SORL1: variants seen among roughly 807,000 people sequenced by gnomAD.
SORL1 encodes the protein sortilin related receptor 1, also known as sortilin-related receptor.
Under a neutral mutation model 273.7 loss-of-function variants are expected in SORL1, and 127 were observed. That is an observed-to-expected ratio of 0.46 (90% CI 0.40 to 0.54). SORL1 has a LOEUF of 0.54. Ranked by LOEUF, SORL1 falls within the 20% of genes least tolerant of loss-of-function variation. SORL1 has a pLI of 0.00. For synonymous variants in SORL1, 1,031 were observed against 1,067.4 expected (o/e 0.97, Z 0.66); for missense variants, 2,494 against 2,846.1 (o/e 0.88, Z 2.81).
In SORL1 at chr11:121,606,876, A is replaced by G; in HGVS notation, c.4980A>G (p.Ser1660=). 1 of 1,613,840 alleles carries G rather than the reference A, an allele frequency of 6.2e-7. No homozygotes were observed. Among genetic ancestry groups the G allele is most frequent in the South Asian group, 1.1e-5 (1 of 91,060 alleles). The change falls in exon 36 of 48, where the codon TCA becomes TCG. Residue 1660 remains serine, a synonymous_variant. Coordinates refer to ENST00000260197, the MANE Select transcript of SORL1 (RefSeq NM_003105.6). Reference sequence around the variant, plus strand: ...ATGCCCCTCGAAATCTCCAGCTGTCACTCCCCAGGGAAGCAGAAGGTGTGA... The same window carrying G: ...ATGCCCCTCGAAATCTCCAGCTGTCGCTCCCCAGGGAAGCAGAAGGTGTGA... ...LPDAPRNLQL[S]LPREAEGVIV... is the part of the protein sequence containing the mutation.
intron 12 of SORL1, among the ~76,000 whole-genome samples, chr11:121,537,147 C>T (rs1363610545): frequency 1.3e-5 from 2 of 152,102 alleles, no homozygotes; most frequent in Non-Finnish European, 2.9e-5. Flanking sequence ...ATGCAAATTT[C>T]CAGGTGGGAA....
At chr11:121,559,778 C>G in intron 21 of SORL1, 121 bp downstream of exon 21, 1 of 781,852 alleles carries the variant, frequency 1.3e-6, no homozygotes, top group Non-Finnish European at 2.1e-6. Flanking sequence ...CGACAACATG[C>G]ACATTATTTA....
chr11:121,586,875 A>G (rs548174186), intron 27 of SORL1, among the ~76,000 whole-genome samples: 1 of 152,216 alleles, frequency 6.6e-6, no homozygotes, highest in South Asian at 2.1e-4. Flanking sequence ...TTCTGATTTA[A>G]TTAGCGTAGG....
Position 121,586,083 on chromosome 11 carries a change from A to G in SORL1, c.3707-139A>G, listed in dbSNP as rs779758339. On this transcript the variant is annotated intron_variant, in intron 26 of 47. Transcript: ENST00000260197. ...GTAGAATTACTGGGTCAAAGTGTGTATACATTTGTCATTTTGCTAGTTACA... is the reference window on the plus strand; with the variant it reads ...GTAGAATTACTGGGTCAAAGTGTGTGTACATTTGTCATTTTGCTAGTTACA... 2.8e-5 allele frequency: 19 copies of G among 672,340 alleles called. No individual in the cohort carries two copies. The Middle Eastern group carries it at 1.2e-3, about 43-fold the overall frequency. 41.6% of individuals were successfully genotyped at this position (672,340 alleles called of 1,614,324 possible).
chr11:121,503,020 G>A (rs909033854), intron 6 of SORL1, among the ~76,000 whole-genome samples: 11 of 151,960 alleles, frequency 7.2e-5, no homozygotes, highest in Non-Finnish European at 1.6e-4. Context: ...ACAGGCATGT[G>A]CCACCATACC....
intron 6 of SORL1, among the ~76,000 whole-genome samples, chr11:121,509,228 GCCCTGTGCTTC>G (rs531308243): frequency 5.1e-4 from 78 of 152,022 alleles, no homozygotes; most frequent in African/African-American, 1.7e-3. Flanking sequence ...TGAACTAGTG[GCCCTGTGCTTC>G]CCCATGCCTT....
At chr11:121,556,643 G>C (rs77814285) in intron 18 of SORL1, among the ~76,000 whole-genome samples, 3,226 of 152,332 alleles carry the variant, frequency 0.021, 107 homozygotes, top group African/African-American at 0.074. Context: ...AATGGTGTCA[G>C]ATGAGCCAAG....
At chr11:121,512,894 G>A (rs1054896388) in intron 6 of SORL1, 109 bp from the exon 7 acceptor site, 5 of 739,608 alleles carry the variant, frequency 6.8e-6, no homozygotes, top group Non-Finnish European at 1.1e-5. Context: ...TCTCTATTTT[G>A]TGTTTCCAGT....
intron 6 of SORL1, 150 bp downstream of exon 6, chr11:121,497,199 T>C (rs1470163056): frequency 7.1e-6 from 5 of 703,182 alleles, no homozygotes; most frequent in Non-Finnish European, 7.1e-6. Flanking sequence ...ATTGACAACA[T>C]TGACGAACAT....
intron 4 of SORL1, 48 bp downstream of exon 4, chr11:121,488,241 T>G: frequency 6.3e-7 from 1 of 1,588,438 alleles, no homozygotes; most frequent in Middle Eastern, 1.7e-4. Context: ...TCTAGTTTTC[T>G]CCTCTGCCTG....
At chr11:121,616,229 A>G (rs543795400) in intron 41 of SORL1, among the ~76,000 whole-genome samples, 7 of 152,294 alleles carry the variant, frequency 4.6e-5, no homozygotes, top group African/African-American at 1.7e-4. Context: ...TAGGGTCTCC[A>G]ATTGTGCATG....
intron 21 of SORL1, among the ~76,000 whole-genome samples, chr11:121,565,506 A>C (rs1327481865): frequency 1.3e-5 from 2 of 152,360 alleles, no homozygotes; most frequent in East Asian, 3.9e-4. Flanking sequence ...GGCATGGCTT[A>C]GATGAATGCT....
chr11:121,480,869 T>C lies in SORL1; in HGVS notation c.528+2626T>C, dbSNP rs77190228. Among the ~76,000 whole-genome samples, 484 of 91,860 alleles carry C rather than the reference T, an allele frequency of 5.3e-3. 4 individuals are homozygous for C. The highest frequency in any genetic ancestry group is 0.013 in the African/African-American group (306 of 23,610). The allele number at this position is 91,860 out of a possible 152,430, so 60.3% of individuals were successfully genotyped here. A position where few individuals can be genotyped will look rare whatever the true frequency, so the allele number is the denominator to read the frequency against. On this transcript the variant is annotated intron_variant, in intron 3 of 47. Transcript: ENST00000260197. ...GATACCTATAGGCAGGCTCCATCTCTTCTTCCCCAGCTTCTTCCGTAGTGC... is the reference window on the plus strand; with the variant it reads ...GATACCTATAGGCAGGCTCCATCTCCTCTTCCCCAGCTTCTTCCGTAGTGC...
At position 121,522,972 on chromosome 11, in the gene SORL1, G is replaced by A; in HGVS notation, c.1579G>A (p.Gly527Arg). ...KTNVYISSSA[G>R]ARWREALPGP... ...AAACGTGTACATCTCTAGCAGTGCT[G>A]GAGCCAGGTGGCGAGAGGTCAGCCC... The change falls in exon 11 of 48, where the codon GGA (glycine) becomes AGA (arginine). Residue 527 changes from glycine to arginine, a missense_variant. Gly to Arg is a moderately radical substitution (Grantham distance 125, BLOSUM62 -2). Coordinates refer to ENST00000260197, the MANE Select transcript of SORL1 (RefSeq NM_003105.6). 6.2e-7 allele frequency: 1 copy of A among 1,612,854 alleles called. No homozygotes were observed. The highest frequency in any genetic ancestry group is 8.5e-7 in the Non-Finnish European group (1 of 1,178,802).
At position 121,550,822 on chromosome 11, in the gene SORL1, G is replaced by T; in HGVS notation, c.2266+152G>T. Reference sequence around the variant, plus strand: ...CACAGGGCTTCCTCTTTTCCCTAAGGTTGGTTTCCACACTGAACTTGTACA... The same window carrying T: ...CACAGGGCTTCCTCTTTTCCCTAAGTTTGGTTTCCACACTGAACTTGTACA... On this transcript the variant is annotated intron_variant, in intron 16 of 47. Transcript: ENST00000260197. The surrounding 1 kb of genome is among the most constrained non-coding windows in gnomAD (Gnocchi z 5.3). 4 of 638,230 alleles carry T rather than the reference G, an allele frequency of 6.3e-6. No homozygotes were observed. The highest frequency in any genetic ancestry group is 1.1e-5 in the Non-Finnish European group (4 of 370,832). The allele number at this position is 638,230 out of a possible 1,614,324, so 39.5% of individuals were successfully genotyped here. A position where few individuals can be genotyped will look rare whatever the true frequency, so the allele number is the denominator to read the frequency against.
chr11:121,456,864 G>C (rs1860914194), intron 1 of SORL1, among the ~76,000 whole-genome samples: 1 of 152,178 alleles, frequency 6.6e-6, no homozygotes, highest in East Asian at 1.9e-4. Context: ...GGCCTCCTTT[G>C]GGGGTGGAAT....
intron 41 of SORL1, 70 bp downstream of exon 41, chr11:121,615,125 T>G (rs1863621729): frequency 7.8e-7 from 1 of 1,285,502 alleles, no homozygotes; most frequent in African/African-American, 1.5e-5. Flanking sequence ...ACCACACAAC[T>G]CCAGGGCTTT....
chr11:121,558,724 A>G lies in SORL1; in HGVS notation c.2797A>G (p.Ile933Val). The G allele has an allele frequency of 1.2e-6, 2 of 1,614,050 alleles. No individual in the cohort carries two copies. Among genetic ancestry groups the G allele is most frequent in the Non-Finnish European group, 1.7e-6 (2 of 1,179,990 alleles). ...TGGCATCTCTGTGGACGACCAGTGG[A>G]TTTACTGGACGGATGCCTACCTGGA... ...PNGISVDDQW[I>V]YWTDAYLECI... The change falls in exon 20 of 48, where the codon ATT becomes GTT. Residue 933 changes from isoleucine (I) to valine (V), a missense_variant. Physicochemically the swap from Ile to Val is conservative, Grantham distance 29. Coordinates refer to ENST00000260197, the MANE Select transcript of SORL1 (RefSeq NM_003105.6).
chr11:121,606,321 C>A (rs1333649012), intron 35 of SORL1, among the ~76,000 whole-genome samples: 1 of 152,202 alleles, frequency 6.6e-6, no homozygotes, highest in Non-Finnish European at 1.5e-5. Flanking sequence ...CAACTGTCTG[C>A]TTGAATGTCA....
Sources: allele counts gnomAD v4.1 joint callset (sites outside exome capture counted in the v4.1 genomes callset), GRCh38; gene constraint gnomAD v4.1.1; non-coding constraint Gnocchi (gnomAD v3.1); transcripts MANE v1.5; gene names NCBI Gene and HGNC (gene_info 2026-07-23, HGNC 2026-07-21).